The following PFKFB3 variants were observed in gnomAD, a reference collection of about 807,000 sequenced individuals.
PFKFB3 encodes 6-phosphofructo-2-kinase/fructose-2,6-bisphosphatase 3.
In PFKFB3, 33 loss-of-function variants were observed where a neutral mutation model predicts 68.0. That is an observed-to-expected ratio of 0.49 (90% CI 0.37 to 0.65). The LOEUF is 0.65. Among genes scored for constraint, PFKFB3 ranks in the 30% least tolerant of loss-of-function variants. The pLI, the probability that PFKFB3 is intolerant of heterozygous loss-of-function variation, is 0.00. For synonymous variants in PFKFB3, 315 were observed against 288.2 expected, an observed-to-expected ratio of 1.09 and a Z score of -0.94; for missense variants, 586 against 712.2, an observed-to-expected ratio of 0.82 and a Z score of 2.02.
At chr10:6,199,793 A>G (rs1843276283), upstream of PFKFB3, among the ~76,000 whole-genome samples, 1 of 145,764 alleles carries the variant, frequency 6.9e-6, no homozygotes, top group Non-Finnish European at 1.5e-5. Flanking sequence ...GAACCACTGC[A>G]CTGGCCAGGA....
chr10:6,174,988 G>T (rs1442835022), intron 1 of PFKFB3, among the ~76,000 whole-genome samples: 1 of 151,964 alleles, frequency 6.6e-6, no homozygotes, highest in Non-Finnish European at 1.5e-5. Flanking sequence ...GCTAATTTTT[G>T]TATTTTTATT....
intron 14 of PFKFB3, among the ~76,000 whole-genome samples, chr10:6,243,086 C>T (rs1055734156): frequency 2.0e-5 from 3 of 152,132 alleles, no homozygotes; most frequent in African/African-American, 7.2e-5. Context: ...CTGGAAGACT[C>T]GGCAACACCC....
chr10:6,155,115 C>T (rs1375757036), intron 1 of PFKFB3, among the ~76,000 whole-genome samples: 2 of 151,982 alleles, frequency 1.3e-5, no homozygotes, highest in African/African-American at 4.8e-5. Context: ...CTGCCACTGG[C>T]AAAGAATTCC....
At chr10:6,202,040 T>C (rs1271960513), upstream of PFKFB3, among the ~76,000 whole-genome samples, 1 of 152,210 alleles carries the variant, frequency 6.6e-6, no homozygotes, top group Non-Finnish European at 1.5e-5. Context: ...CCCCAATAGT[T>C]TTCCCTCGAC....
chr10:6,178,532 GA>G lies in PFKFB3; in HGVS notation c.16+33520del, dbSNP rs568821209. Among the ~76,000 whole-genome samples the G allele has an allele frequency of 7.4e-3, 1,124 of 150,936 alleles. 9 individuals carry two copies. Among genetic ancestry groups the G allele is most frequent in the Non-Finnish European group, 0.011 (740 of 67,712 alleles). The stretch of plus-strand genomic sequence containing the variant: ...GGACTTGGGTCAGGGTCACAACAGG[GA>G]GGTGAAGCCACTGACCCGGAGCTGC... On this transcript the variant is annotated intron_variant, in intron 1 of 14. Coordinates refer to the PFKFB3 transcript ENST00000379789.
At chr10:6,177,414 TC>T (rs1564599737) in intron 1 of PFKFB3, among the ~76,000 whole-genome samples, 39 of 88,914 alleles carry the variant, frequency 4.4e-4, no homozygotes, top group East Asian at 7.1e-4. Flanking sequence ...CTTTCTTCTT[TC>T]TCTTTCTTCC....
intron 10 of PFKFB3, among the ~76,000 whole-genome samples, chr10:6,222,497 C>T (rs1214834345): frequency 3.9e-5 from 6 of 152,324 alleles, no homozygotes; most frequent in Non-Finnish European, 2.9e-5. Flanking sequence ...TGTTAGGAGC[C>T]GCTCCCGCCT....
chr10:6,157,186 C>T (rs972382227), intron 1 of PFKFB3, among the ~76,000 whole-genome samples: 17 of 151,938 alleles, frequency 1.1e-4, no homozygotes, highest in Admixed American at 1.0e-3. Context: ...AACTTGCTGC[C>T]TCATAGTAAC....
chr10:6,322,961 G>A, the PFKFB3 span, among the ~76,000 whole-genome samples: 23 of 152,306 alleles, frequency 1.5e-4, no homozygotes, highest in African/African-American at 5.5e-4. Context: ...GGTGAGTCAG[G>A]TTCACTGTTG....
At position 6,215,466 on chromosome 10, in the gene PFKFB3, T is replaced by C; in HGVS notation, c.299+149T>C. ...GGCTGCGGGGCTGCGGGTGTAAGGC[T>C]GGGCTGCGGGCTTGGGCTTGCTTTG... On this transcript the variant is annotated intron_variant, in intron 3 of 14. Transcript: ENST00000379775. The surrounding 1 kb of genome is among the most constrained non-coding windows in gnomAD (Gnocchi z 4.3). 1.5e-6 allele frequency: 1 copy of C among 681,428 alleles called. No homozygotes were observed. Among genetic ancestry groups the C allele is most frequent in the Non-Finnish European group, 2.6e-6 (1 of 384,440 alleles). 42.2% of individuals were successfully genotyped at this position (681,428 alleles called of 1,614,324 possible).
intron 1 of PFKFB3, among the ~76,000 whole-genome samples, chr10:6,169,549 G>A (rs12572456): frequency 0.011 from 1,645 of 152,274 alleles, 68 homozygotes; most frequent in East Asian, 0.099. Context: ...CCCAGGCCCT[G>A]AGGGTTCTCC....
rs1441636102 is a variant in PFKFB3 at position 6,229,040 on chromosome 10, C to T, written c.1515+2675C>T. 1.0e-5 allele frequency: 5 copies of T among 485,734 alleles called. No homozygotes were observed. Among genetic ancestry groups the T allele is most frequent in the South Asian group, 3.1e-5 (2 of 65,494 alleles). 30.1% of individuals were successfully genotyped at this position (485,734 alleles called of 1,614,324 possible). Reference sequence around the variant, plus strand: ...GCCACATGAAGTGTCATCCCCTTGCCCCCCCAAAAACACACCCGCCCCTTT... The same window carrying T: ...GCCACATGAAGTGTCATCCCCTTGCTCCCCCAAAAACACACCCGCCCCTTT... On this transcript the variant is annotated intron_variant, in intron 14 of 14. Transcript: ENST00000379775. The surrounding 1 kb of genome is among the most constrained non-coding windows in gnomAD (Gnocchi z 4.3).
intron 1 of PFKFB3, among the ~76,000 whole-genome samples, chr10:6,159,947 C>T (rs554117497): frequency 4.0e-5 from 6 of 150,762 alleles, no homozygotes; most frequent in Non-Finnish European, 5.9e-5. Flanking sequence ...TTAATAGAGA[C>T]GAGGTCTTGC....
In PFKFB3 at chr10:6,221,410, G is replaced by A. The variant is rs753606554; in HGVS notation, c.861G>A (p.Glu287=). ...CCAGTGCTCTGAGCAAGTTCGTGGA[G>A]GAGCAGAACCTGAAGGACCTGCGCG... ...KFASALSKFV[E]EQNLKDLRVW... is the part of the protein sequence containing the mutation. The change falls in exon 9 of 15, where the codon GAG becomes GAA. Residue 287 remains glutamate, a synonymous_variant. Transcript: ENST00000379775. The A allele has an allele frequency of 6.2e-7, 1 of 1,613,930 alleles. No individual in the cohort carries two copies. Among genetic ancestry groups the A allele is most frequent in the South Asian group, 1.1e-5 (1 of 91,082 alleles).
In PFKFB3 at chr10:6,159,926, TG is replaced by T. The variant is rs200663029; in HGVS notation, c.16+14914del. 2.6e-5 allele frequency among the ~76,000 whole-genome samples: 4 copies of T among 150,962 alleles called. No homozygotes were observed. The East Asian group carries it at 5.8e-4, about 22-fold the overall frequency. On this transcript the variant is annotated intron_variant, in intron 1 of 14. Coordinates refer to the PFKFB3 transcript ENST00000379789. ...GGTGTGTGCCACCATGCCTGGCTAT[TG>T]TTTTTTTTTTTAATAGAGACGAGGT...
At chr10:6,219,412 C>T (rs1031458309) in intron 6 of PFKFB3, 157 bp from the exon 7 acceptor site, 2 of 714,254 alleles carry the variant, frequency 2.8e-6, no homozygotes, top group Non-Finnish European at 4.8e-6. Flanking sequence ...TGTGACTCAG[C>T]CCCCAGCATC....
Position 6,222,877 on chromosome 10 carries a change from GC to G in PFKFB3, c.1107del (p.Leu370TrpfsTer4). The G allele has an allele frequency of 6.2e-7, 1 of 1,613,858 alleles. No homozygotes were observed. The highest frequency in any genetic ancestry group is 8.5e-7 in the Non-Finnish European group (1 of 1,179,870). ...CAGTCCTACCAGGACCTGGTCCAGC[GC>G]TTGGAGCCAGTGATCATGGAGCTGG... ...TGESYQDLVQ[R>X]LEPVIMELER... On this transcript the variant is annotated frameshift_variant, in exon 11 of 15. Coordinates refer to ENST00000379775, the MANE Select transcript of PFKFB3 (RefSeq NM_004566.4). LOFTEE classifies it high-confidence loss of function.
chr10:6,219,963 G>A (rs1175384556), intron 7 of PFKFB3, among the ~76,000 whole-genome samples: 2 of 152,076 alleles, frequency 1.3e-5, no homozygotes, highest in Non-Finnish European at 2.9e-5. Context: ...ATATTCAGTG[G>A]GAATATTTTG....
rs1588540486 is a variant in PFKFB3, at chr10:6,229,364, G to T, written c.1515+2999G>T. On this transcript the variant is annotated intron_variant, in intron 14 of 14. Transcript: ENST00000379775. This position sits in a 1 kb window ranked among gnomAD's most constrained non-coding sequence, Gnocchi z 4.3. ...TCCAGCAGGTGAGCCGCAGAGCCGG[G>T]GCCTGAAAGGCCCCTTGCTTCAGAA... Among the ~76,000 whole-genome samples, 1 of 152,200 alleles carries T rather than the reference G, an allele frequency of 6.6e-6. No homozygotes were observed. The highest frequency in any genetic ancestry group is 1.5e-5 in the Non-Finnish European group (1 of 68,046).
Sources: allele counts gnomAD v4.1 joint callset (sites outside exome capture counted in the v4.1 genomes callset), GRCh38; gene constraint gnomAD v4.1.1; non-coding constraint Gnocchi (gnomAD v3.1); transcripts MANE v1.5; gene names NCBI Gene and HGNC (gene_info 2026-07-23, HGNC 2026-07-21).